The following CD8B variants were observed in gnomAD, a reference collection of about 807,000 sequenced individuals.
CD8B encodes CD8 subunit beta.
CD8B carries 6 observed loss-of-function variants against 24.2 expected under a neutral mutation model. The ratio of observed to expected loss-of-function variants is 0.25; its 90% CI spans 0.14 to 0.49. CD8B has a LOEUF of 0.49. Among genes scored for constraint, CD8B ranks in the 20% least tolerant of loss-of-function variants. The pLI is 0.98. For synonymous variants in CD8B, 84 were observed against 108.3 expected, an observed-to-expected ratio of 0.78 and a Z score of 1.39; for missense variants, 196 against 271.3, an observed-to-expected ratio of 0.72 and a Z score of 1.95.
rs1170104839 is a variant in CD8B, at chr2:86,840,415, T to C, written c.*1892A>G. On this transcript the variant is annotated 3_prime_UTR_variant, in exon 6 of 6. Transcript: ENST00000390655. Reference sequence around the variant, plus strand: ...CTACTCTCCCTACAACCCTCCCCCTTCCACTGCATCTCAGATGGAAAGGGA... The same window carrying C: ...CTACTCTCCCTACAACCCTCCCCCTCCCACTGCATCTCAGATGGAAAGGGA... 6.6e-6 allele frequency among the ~76,000 whole-genome samples: 1 copy of C among 152,210 alleles called. No individual in the cohort carries two copies. The highest frequency in any genetic ancestry group is 1.5e-5 in the Non-Finnish European group (1 of 68,024).
At chr2:86,819,346 C>A (rs558355123) in intron 5 of CD8B, among the ~76,000 whole-genome samples, 3 of 152,332 alleles carry the variant, frequency 2.0e-5, no homozygotes, top group East Asian at 3.9e-4. Context: ...GCTACTAGGT[C>A]TTTCATAGCT....
In CD8B at chr2:86,844,945, T is replaced by A. The variant is rs1232370733; in HGVS notation, c.597A>T (p.Arg199Ser). 6.4e-7 allele frequency: 1 copy of A among 1,556,638 alleles called. No individual in the cohort carries two copies. Among genetic ancestry groups the A allele is most frequent in the South Asian group, 1.2e-5 (1 of 84,296 alleles). ...ACTGTTTCATGAAACGAAGCCGGGC[T>A]CTCCTCCGCCGGCCTGGAAGAGGAA... Reference protein sequence around the residue: ...VAIHLCCRRRRARLRFMKQFY... With the variant: ...VAIHLCCRRRSARLRFMKQFY... The change falls in exon 5 of 6, where the codon AGA (arginine) becomes AGT (serine). Residue 199 changes from arginine (R) to serine (S), a missense_variant. Arg to Ser is a moderately radical substitution (Grantham distance 110). Transcript: ENST00000390655.
intron 1 of CD8B, among the ~76,000 whole-genome samples, chr2:86,860,833 C>T (rs1386528703): frequency 6.6e-6 from 1 of 152,156 alleles, no homozygotes; most frequent in South Asian, 2.1e-4. Context: ...CTGAGACACA[C>T]CCCGGCTCTT....
chr2:86,844,235 C>A (rs1425963641), intron 5 of CD8B, among the ~76,000 whole-genome samples: 3 of 151,004 alleles, frequency 2.0e-5, no homozygotes, highest in Non-Finnish European at 4.4e-5. Flanking sequence ...GGCTCTTTCT[C>A]AGCTTAGTGG....
intron 3 of CD8B, among the ~76,000 whole-genome samples, chr2:86,851,212 A>G (rs533292214): frequency 7.1e-4 from 108 of 152,282 alleles, no homozygotes; most frequent in African/African-American, 2.5e-3. Flanking sequence ...TTACATGAAG[A>G]TGAATGGGCA....
intron 3 of CD8B, among the ~76,000 whole-genome samples, chr2:86,850,375 G>A (rs921045954): frequency 1.1e-4 from 17 of 152,216 alleles, no homozygotes; most frequent in Non-Finnish European, 2.2e-4. Flanking sequence ...ACAGACCTAA[G>A]CCTCAAGGGG....
At chr2:86,859,976 A>G (rs1480272560) in intron 1 of CD8B, among the ~76,000 whole-genome samples, 1 of 152,128 alleles carries the variant, frequency 6.6e-6, no homozygotes, top group Non-Finnish European at 1.5e-5. Flanking sequence ...CGCATCAAGA[A>G]TGAAATGATG....
chr2:86,850,524 A>T, intron 3 of CD8B, among the ~76,000 whole-genome samples: 1 of 152,166 alleles, frequency 6.6e-6, no homozygotes, highest in South Asian at 2.1e-4. Flanking sequence ...ACAGACAAGG[A>T]AACTGAGGTT....
chr2:86,845,744 G>T (rs1432997759), intron 4 of CD8B, among the ~76,000 whole-genome samples: 2 of 152,148 alleles, frequency 1.3e-5, no homozygotes, highest in African/African-American at 4.8e-5. Flanking sequence ...TTTTACCAAT[G>T]AGTTCCTTCC....
At chr2:86,837,457 G>A (rs190707788), downstream of CD8B, among the ~76,000 whole-genome samples, 24 of 152,278 alleles carry the variant, frequency 1.6e-4, no homozygotes, top group African/African-American at 4.1e-4. Context: ...AGGAACCAGT[G>A]ACTCACAGTT....
chr2:86,859,087 T>G (rs1676439624), intron 1 of CD8B, among the ~76,000 whole-genome samples: 1 of 151,984 alleles, frequency 6.6e-6, no homozygotes, highest in Non-Finnish European at 1.5e-5. Flanking sequence ...TGTACAGCCC[T>G]TCGGTAGGCT....
At chr2:86,845,533 TGA>T (rs1226113368) in intron 4 of CD8B, among the ~76,000 whole-genome samples, 5 of 151,814 alleles carry the variant, frequency 3.3e-5, no homozygotes, top group South Asian at 4.2e-4. Context: ...TGGGCTCAAG[TGA>T]TCCTCCCTCC....
chr2:86,838,156 G>A (rs1281879301), downstream of CD8B, among the ~76,000 whole-genome samples: 1 of 152,056 alleles, frequency 6.6e-6, no homozygotes, highest in Non-Finnish European at 1.5e-5. Flanking sequence ...TATAACAATG[G>A]CCAGAGGTTC....
At chr2:86,826,296 C>T (rs566454189) in intron 5 of CD8B, among the ~76,000 whole-genome samples, 1 of 152,124 alleles carries the variant, frequency 6.6e-6, no homozygotes, top group South Asian at 2.1e-4. Context: ...GGTGATGCAG[C>T]AATAATGCCC....
intron 1 of CD8B, among the ~76,000 whole-genome samples, chr2:86,859,220 C>T (rs1676447094): frequency 1.3e-5 from 2 of 152,040 alleles, no homozygotes; most frequent in South Asian, 2.1e-4. Flanking sequence ...CCATGACCCC[C>T]GAGCCCAGCA....
chr2:86,849,702 TG>T (rs1298783617), intron 3 of CD8B, among the ~76,000 whole-genome samples: 9 of 113,066 alleles, frequency 8.0e-5, no homozygotes, highest in South Asian at 2.6e-4. Flanking sequence ...TCAACTAAGG[TG>T]TTTTTTTTTT....
At chr2:86,822,285 A>G (rs768695442) in intron 5 of CD8B, 2 of 1,293,540 alleles carry the variant, frequency 1.5e-6, no homozygotes, top group Non-Finnish European at 2.2e-6. Context: ...TGATGACCTC[A>G]GAAAGCAATA....
At chr2:86,835,789 A>G (rs2104527549), downstream of CD8B, among the ~76,000 whole-genome samples, 1 of 148,008 alleles carries the variant, frequency 6.8e-6, no homozygotes, top group South Asian at 2.2e-4. Context: ...TTTTTTGAGA[A>G]GGCAATCCAT....
downstream of CD8B, among the ~76,000 whole-genome samples, chr2:86,837,118 C>T (rs1408181130): frequency 6.6e-6 from 1 of 152,232 alleles, no homozygotes; most frequent in Non-Finnish European, 1.5e-5. Flanking sequence ...AAGTGCGCCA[C>T]TACACTCCAC....
Sources: gnomAD v4.1 joint callset for allele counts (sites outside exome capture counted in the v4.1 genomes callset) on GRCh38, gnomAD v4.1.1 for gene constraint, MANE v1.5 for transcripts, NCBI Gene and HGNC (gene_info 2026-07-23, HGNC 2026-07-21) for gene names.